Variants in CSMD1 observed in about 807,000 individuals in gnomAD.
The protein encoded by CSMD1 is CUB and Sushi multiple domains 1.
Under a neutral mutation model 417.5 loss-of-function variants are expected in CSMD1, and 213 were observed. The observed-to-expected ratio is 0.51, with a 90% CI of 0.46 to 0.57. The LOEUF is 0.57. Among genes scored for constraint, CSMD1 ranks in the 20% least tolerant of loss-of-function variants. The probability of loss-of-function intolerance (pLI) is 0.00; values close to 1 mark genes in which losing one functional copy is unlikely to be tolerated. For synonymous variants in CSMD1, 2,862 were observed against 1,736.8 expected, an observed-to-expected ratio of 1.65 and a Z score of -16.11; for missense variants, 6,923 against 4,529.7, an observed-to-expected ratio of 1.53 and a Z score of -15.17.
chr8:3,593,930 T>C, intron 8 of CSMD1, among the ~76,000 whole-genome samples: 1 of 152,138 alleles, frequency 6.6e-6, no homozygotes, highest in East Asian at 1.9e-4. Context: ...GTAGAATCAG[T>C]TATATGGGGA....
At chr8:4,024,495 G>A (rs911583943) in intron 4 of CSMD1, among the ~76,000 whole-genome samples, 1 of 152,150 alleles carries the variant, frequency 6.6e-6, no homozygotes, top group Non-Finnish European at 1.5e-5. Context: ...CCAAACTATA[G>A]CTGACTTGTT....
At chr8:3,922,995 T>C (rs1809381950) in intron 5 of CSMD1, among the ~76,000 whole-genome samples, 1 of 152,176 alleles carries the variant, frequency 6.6e-6, no homozygotes, top group Non-Finnish European at 1.5e-5. Flanking sequence ...AAATCTCTAT[T>C]TCCATCTATT....
chr8:4,059,671 G>A (rs562206873), intron 3 of CSMD1, among the ~76,000 whole-genome samples: 30 of 152,198 alleles, frequency 2.0e-4, no homozygotes, highest in African/African-American at 3.4e-4. Flanking sequence ...ACACCTCTAC[G>A]CAAATAAACT....
chr8:4,031,229 C>A (rs1178043816), intron 4 of CSMD1, among the ~76,000 whole-genome samples: 1 of 152,170 alleles, frequency 6.6e-6, no homozygotes, highest in Non-Finnish European at 1.5e-5. Flanking sequence ...TGTATTAGTT[C>A]ATTTTCACAC....
At chr8:4,788,404 CTCTTT>C (rs1797522149) in intron 1 of CSMD1, 1 of 1,372,816 alleles carries the variant, frequency 7.3e-7, no homozygotes, top group South Asian at 1.2e-5. Flanking sequence ...GTGTGGTCTT[CTCTTT>C]GACTACCCAG....
At chr8:3,744,062 C>T (rs535409138) in intron 6 of CSMD1, among the ~76,000 whole-genome samples, 6 of 152,290 alleles carry the variant, frequency 3.9e-5, no homozygotes, top group East Asian at 3.9e-4. Context: ...AATCCTCTTC[C>T]GAGAAGGACA....
At chr8:4,276,698 T>A (rs941682116) in intron 3 of CSMD1, among the ~76,000 whole-genome samples, 7 of 152,222 alleles carry the variant, frequency 4.6e-5, no homozygotes, top group Non-Finnish European at 1.0e-4. Flanking sequence ...AGTCTTTAGT[T>A]CCAGTGGGAT....
intron 5 of CSMD1, among the ~76,000 whole-genome samples, chr8:3,822,471 T>A (rs1388313254): frequency 6.6e-6 from 1 of 152,208 alleles, no homozygotes; most frequent in Non-Finnish European, 1.5e-5. Context: ...TATTCCTAAC[T>A]GTAATTTCAG....
chr8:4,447,171 C>A (rs1206971256), intron 2 of CSMD1, among the ~76,000 whole-genome samples: 2 of 152,022 alleles, frequency 1.3e-5, no homozygotes, highest in African/African-American at 4.8e-5. Context: ...ATTATTGATC[C>A]CATGTTATTT....
chr8:3,531,796 T>G (rs1797991881), intron 10 of CSMD1, among the ~76,000 whole-genome samples: 1 of 152,168 alleles, frequency 6.6e-6, no homozygotes, highest in Admixed American at 6.5e-5. Flanking sequence ...ATAAGCAAGC[T>G]AGAAGCTTAC....
chr8:4,670,060 A>C (rs1028466041), intron 1 of CSMD1, among the ~76,000 whole-genome samples: 2 of 152,194 alleles, frequency 1.3e-5, no homozygotes, highest in Admixed American at 1.3e-4. Flanking sequence ...AACTCTGTAG[A>C]AAGGGAAGCT....
chr8:3,962,968 G>A (rs534964221), intron 5 of CSMD1, among the ~76,000 whole-genome samples: 3 of 152,056 alleles, frequency 2.0e-5, no homozygotes, highest in South Asian at 4.2e-4. Context: ...ATGGACTCTT[G>A]CTCCGTCACC....
At chr8:3,568,963 T>C (rs906796787) in intron 10 of CSMD1, among the ~76,000 whole-genome samples, 14 of 152,252 alleles carry the variant, frequency 9.2e-5, no homozygotes, top group African/African-American at 2.9e-4. Flanking sequence ...TGTCTCACAA[T>C]ATATATTACT....
chr8:4,797,441 G>A (rs564226345), intron 1 of CSMD1, among the ~76,000 whole-genome samples: 6 of 152,136 alleles, frequency 3.9e-5, no homozygotes, highest in African/African-American at 1.4e-4. Flanking sequence ...GAACACCTAA[G>A]TACCAAATAT....
intron 20 of CSMD1, among the ~76,000 whole-genome samples, chr8:3,363,500 A>G (rs1201740070): frequency 6.7e-6 from 1 of 149,888 alleles, no homozygotes; most frequent in Non-Finnish European, 1.5e-5. Flanking sequence ...CCTGGTGAAA[A>G]ATGTAGAAAG....
chr8:4,920,018 T>C (rs907653687), intron 1 of CSMD1, among the ~76,000 whole-genome samples: 1 of 152,122 alleles, frequency 6.6e-6, no homozygotes, highest in South Asian at 2.1e-4. Flanking sequence ...TATCAGTTAG[T>C]CCCAGGTATT....
intron 2 of CSMD1, among the ~76,000 whole-genome samples, chr8:4,537,471 G>A (rs892481588): frequency 6.6e-6 from 1 of 151,996 alleles, no homozygotes; most frequent in African/African-American, 2.4e-5. Flanking sequence ...ATTGCTATAA[G>A]GCTAATAGTC....
chr8:4,752,016 T>C (rs1397827583), intron 1 of CSMD1, among the ~76,000 whole-genome samples: 1 of 152,210 alleles, frequency 6.6e-6, no homozygotes, highest in Non-Finnish European at 1.5e-5. Context: ...TACTGATTAG[T>C]ATCTACATTA....
chr8:3,871,250 C>T (rs1025018367), intron 5 of CSMD1, among the ~76,000 whole-genome samples: 1 of 151,984 alleles, frequency 6.6e-6, no homozygotes, highest in African/African-American at 2.4e-5. Context: ...TATTTTAGCA[C>T]TTAATAATGC....
Sources: gnomAD v4.1 joint callset for allele counts (sites outside exome capture counted in the v4.1 genomes callset) on GRCh38, gnomAD v4.1.1 for gene constraint, MANE v1.5 for transcripts, NCBI Gene and HGNC (gene_info 2026-07-23, HGNC 2026-07-21) for gene names.